Variants in SLIT2 observed in about 807,000 individuals in gnomAD.
SLIT2 encodes the protein slit homolog 2 protein.
Under a neutral mutation model 185.7 loss-of-function variants are expected in SLIT2, and 41 were observed. The observed-to-expected ratio is 0.22, with a 90% CI of 0.17 to 0.29. The LOEUF (loss-of-function observed/expected upper bound fraction) is 0.29. Ranked by LOEUF, SLIT2 falls within the 10% of genes least tolerant of loss-of-function variation. The probability of loss-of-function intolerance (pLI) is 1.00; values close to 1 mark genes in which losing one functional copy is unlikely to be tolerated. For missense variants in SLIT2, 1,571 were observed against 1,909.0 expected (o/e 0.82, Z 3.30); for synonymous variants, 693 against 680.2 (o/e 1.02, Z -0.29).
intron 19 of SLIT2, among the ~76,000 whole-genome samples, chr4:20,540,299 A>T (rs1722692044): frequency 6.6e-6 from 1 of 151,986 alleles, no homozygotes; most frequent in Non-Finnish European, 1.5e-5. Context: ...AGGAAAAAAA[A>T]AAAAAGAATC....
chr4:20,477,260 G>C (rs891911219), intron 5 of SLIT2, among the ~76,000 whole-genome samples: 1 of 151,042 alleles, frequency 6.6e-6, no homozygotes, highest in Non-Finnish European at 1.5e-5. Flanking sequence ...AATGTCATGA[G>C]TTGCGATTTT....
At chr4:20,260,761 CATT>C (rs1209364987) in intron 3 of SLIT2, among the ~76,000 whole-genome samples, 1 of 151,748 alleles carries the variant, frequency 6.6e-6, no homozygotes, top group Non-Finnish European at 1.5e-5. Context: ...CAAATCAAAA[CATT>C]ATAGCTATAA....
At chr4:20,349,218 C>T (rs757868085) in intron 4 of SLIT2, among the ~76,000 whole-genome samples, 6 of 152,122 alleles carry the variant, frequency 3.9e-5, no homozygotes, top group African/African-American at 1.2e-4. Flanking sequence ...TTGATTTATT[C>T]GGCAGTTAGT....
intron 3 of SLIT2, 49 bp downstream of exon 3, chr4:20,257,988 A>C (rs1712024182): frequency 1.1e-6 from 1 of 899,558 alleles, no homozygotes; most frequent in East Asian, 2.5e-5. Context: ...GTGTTTTTTA[A>C]AAATACTTAA....
chr4:20,553,775 G>A, intron 25 of SLIT2, 30 bp from the exon 26 acceptor site: 3 of 1,536,716 alleles, frequency 2.0e-6, no homozygotes, highest in Non-Finnish European at 2.6e-6. Context: ...GTGTGTATGT[G>A]TGTGTGCTTC....
At chr4:20,524,254 C>T (rs879629341) in intron 14 of SLIT2, 77 bp downstream of exon 14, 19 of 1,361,484 alleles carry the variant, frequency 1.4e-5, no homozygotes, top group Middle Eastern at 1.8e-4. Context: ...AGCTGGCCTT[C>T]GGCTGATTAG....
At chr4:20,376,479 A>G (rs558024524) in intron 4 of SLIT2, among the ~76,000 whole-genome samples, 3 of 151,990 alleles carry the variant, frequency 2.0e-5, no homozygotes, top group Non-Finnish European at 2.9e-5. Context: ...CAGTTACCCA[A>G]AAATTCAACT....
chr4:20,518,580 TATATATA>T (rs1426410150), intron 11 of SLIT2, among the ~76,000 whole-genome samples: 5 of 25,402 alleles, frequency 2.0e-4, no homozygotes, highest in African/African-American at 3.1e-4. Context: ...TATATATATA[TATATATA>T]TTTTTTTTTT....
At chr4:20,526,591 T>G (rs1280864240) in intron 15 of SLIT2, among the ~76,000 whole-genome samples, 1 of 152,186 alleles carries the variant, frequency 6.6e-6, no homozygotes, top group Non-Finnish European at 1.5e-5. Flanking sequence ...AAGTTTAATA[T>G]TTCCAATTCA....
intron 4 of SLIT2, among the ~76,000 whole-genome samples, chr4:20,277,113 T>C (rs994633610): frequency 6.6e-6 from 1 of 152,138 alleles, no homozygotes; most frequent in Non-Finnish European, 1.5e-5. Flanking sequence ...CCAAGACTTT[T>C]ATTACCCCGG....
intron 4 of SLIT2, among the ~76,000 whole-genome samples, chr4:20,348,943 G>A (rs1237204288): frequency 6.6e-6 from 1 of 152,154 alleles, no homozygotes; most frequent in Non-Finnish European, 1.5e-5. Context: ...AATCACTGTG[G>A]TGAGAAGACT....
At chr4:20,299,600 T>C (rs986336313) in intron 4 of SLIT2, among the ~76,000 whole-genome samples, 2 of 151,960 alleles carry the variant, frequency 1.3e-5, no homozygotes, top group African/African-American at 4.8e-5. Flanking sequence ...AAATGCAGCA[T>C]TGGCAGTGTT....
At chr4:20,336,053 G>A (rs1016010034) in intron 4 of SLIT2, among the ~76,000 whole-genome samples, 8 of 152,060 alleles carry the variant, frequency 5.3e-5, no homozygotes, top group African/African-American at 1.9e-4. Flanking sequence ...TTATATTCCA[G>A]GTGTGTAGGG....
At chr4:20,283,290 C>G (rs1714968002) in intron 4 of SLIT2, among the ~76,000 whole-genome samples, 1 of 152,302 alleles carries the variant, frequency 6.6e-6, no homozygotes, top group East Asian at 1.9e-4. Context: ...ATGAGGGGTG[C>G]ATCATCTAAG....
chr4:20,567,338 T>A lies in SLIT2; in HGVS notation c.2802T>A (p.Asn934Lys), dbSNP rs1560201083. The A allele has an allele frequency of 1.2e-6, 2 of 1,613,108 alleles. No homozygotes were observed. Among genetic ancestry groups the A allele is most frequent in the Non-Finnish European group, 1.7e-6 (2 of 1,179,264 alleles). Residue 934 changes from asparagine (N) to lysine (K), a missense_variant, in exon 27 of 37, where the codon AAT becomes AAA. By Grantham distance (94) the Asn-to-Lys change is moderately conservative (BLOSUM62 0). Around this residue, in one of 3 missense-constraint regions of SLIT2, gnomAD observed 1,202 missense variants for 1,416.4 expected, o/e 0.85. Transcript: ENST00000504154. Reference protein sequence around the residue: ...SNPCKNDGTCNSDPVDFYRCT... With the variant: ...SNPCKNDGTCKSDPVDFYRCT... Reference sequence around the variant, plus strand: ...CGTGTAAAAATGATGGCACATGTAATAGTGATCCAGTTGACTTTTACCGAT... The same window carrying A: ...CGTGTAAAAATGATGGCACATGTAAAAGTGATCCAGTTGACTTTTACCGAT...
intron 4 of SLIT2, among the ~76,000 whole-genome samples, chr4:20,396,739 CT>C (rs1725923443): frequency 1.3e-5 from 2 of 150,038 alleles, no homozygotes; most frequent in East Asian, 2.0e-4. Flanking sequence ...AAAACCACCC[CT>C]ATTTATCTCT....
At chr4:20,472,222 GTA>G (rs1217006714) in intron 5 of SLIT2, among the ~76,000 whole-genome samples, 5 of 94,236 alleles carry the variant, frequency 5.3e-5, no homozygotes, top group African/African-American at 2.0e-4. Context: ...GTGTGTGTGT[GTA>G]TATATATATA....
intron 15 of SLIT2, among the ~76,000 whole-genome samples, chr4:20,527,327 C>T (rs556379189): frequency 1.5e-3 from 222 of 152,122 alleles, no homozygotes; most frequent in Middle Eastern, 0.01. Flanking sequence ...TCGCTGTCTC[C>T]CAGGCTGGAG....
Position 20,541,449 on chromosome 4 carries a change from T to G in SLIT2, c.1977-4T>G. 6.2e-7 allele frequency: 1 copy of G among 1,613,744 alleles called. No individual in the cohort carries two copies. The highest frequency in any genetic ancestry group is 8.5e-7 in the Non-Finnish European group (1 of 1,179,744). ...ACTGTGCATCGTTTGCCTGTGGCTC[T>G]TAGAAACCTCTTGGCCAATCCTTTT... is the stretch of plus-strand genomic sequence containing the variant. On this transcript the variant is annotated splice_region_variant and splice_polypyrimidine_tract_variant and intron_variant, in intron 19 of 36. Transcript: ENST00000504154.
Sources: allele counts gnomAD v4.1 joint callset (sites outside exome capture counted in the v4.1 genomes callset), GRCh38; gene constraint gnomAD v4.1.1; regional missense constraint gnomAD v4.1.1; transcripts MANE v1.5; gene names NCBI Gene and HGNC (gene_info 2026-07-23, HGNC 2026-07-21).